Variants in SFMBT2 observed in about 807,000 individuals in gnomAD.
SFMBT2 encodes scm-like with four MBT domains protein 2.
A neutral mutation model predicts 110.1 loss-of-function variants in SFMBT2; 38 were observed. That is an observed-to-expected ratio of 0.35 (90% CI 0.27 to 0.45). The LOEUF is 0.45. Ranked by LOEUF, SFMBT2 falls within the 20% of genes least tolerant of loss-of-function variation. The pLI is 1.00. For synonymous variants in SFMBT2, 425 were observed against 425.4 expected (o/e 1.00, Z 0.01); for missense variants, 1,011 against 1,094.9 (o/e 0.92, Z 1.08).
intron 1 of SFMBT2, among the ~76,000 whole-genome samples, chr10:7,384,519 T>G (rs1196144819): frequency 1.6e-5 from 2 of 126,874 alleles, no homozygotes; most frequent in African/African-American, 7.2e-5. Context: ...AAAATAACGG[T>G]TTTTTAATAA....
intron 8 of SFMBT2, among the ~76,000 whole-genome samples, chr10:7,245,202 C>T (rs1342289168): frequency 1.3e-5 from 2 of 152,044 alleles, no homozygotes; most frequent in African/African-American, 2.4e-5. Flanking sequence ...ATGTAACATA[C>T]TAGATTTATT....
At chr10:7,332,598 CT>C (rs557739111) in intron 4 of SFMBT2, among the ~76,000 whole-genome samples, 349 of 152,260 alleles carry the variant, frequency 2.3e-3, no homozygotes, top group Middle Eastern at 0.017. Flanking sequence ...TATAAAAATG[CT>C]TTTTATTAAA....
intron 4 of SFMBT2, among the ~76,000 whole-genome samples, chr10:7,331,670 A>C (rs1843562629): frequency 6.6e-6 from 1 of 152,062 alleles, no homozygotes; most frequent in Non-Finnish European, 1.5e-5. Flanking sequence ...ACATCCACTC[A>C]AGTCACAGAT....
intron 4 of SFMBT2, among the ~76,000 whole-genome samples, chr10:7,302,048 A>G (rs1842570680): frequency 6.6e-6 from 1 of 152,118 alleles, no homozygotes; most frequent in Non-Finnish European, 1.5e-5. Context: ...ATAACAACAG[A>G]AAACTACCAG....
intron 4 of SFMBT2, among the ~76,000 whole-genome samples, chr10:7,361,647 G>T (rs1844722160): frequency 6.6e-6 from 1 of 152,176 alleles, no homozygotes; most frequent in African/African-American, 2.4e-5. Flanking sequence ...GGTAAATTGA[G>T]TAATTCTGCC....
rs1411217126 is a variant in SFMBT2 at position 7,170,481 on chromosome 10, A to T, written c.2544+447T>A. On this transcript the variant is annotated intron_variant, in intron 20 of 20. Coordinates refer to ENST00000397167, the MANE Select transcript of SFMBT2 (RefSeq NM_001387889.1). The surrounding 1 kb of genome is among the most constrained non-coding windows in gnomAD (Gnocchi z 4.6). Reference sequence around the variant, plus strand: ...CTGACTTCCGGCCTGGCCAGGTGGCAACTGGGCACCCCATCCCACCACTGA... The same window carrying T: ...CTGACTTCCGGCCTGGCCAGGTGGCTACTGGGCACCCCATCCCACCACTGA... 6.6e-6 allele frequency among the ~76,000 whole-genome samples: 1 copy of T among 152,130 alleles called. No homozygotes were observed. The highest frequency in any genetic ancestry group is 1.9e-4 in the East Asian group (1 of 5,184).
intron 11 of SFMBT2, among the ~76,000 whole-genome samples, chr10:7,211,873 C>G (rs994971146): frequency 6.6e-6 from 1 of 152,170 alleles, no homozygotes; most frequent in Admixed American, 6.5e-5. Flanking sequence ...TGCACCTGGT[C>G]CCCTAAACAT....
rs74318218 is a variant in SFMBT2 at position 7,195,222 on chromosome 10, G to C, written c.1698+2326C>G. ...TTCCGATGGTGGCAGAAATTCTTAT[G>C]TGTAATCCTGGCTTGATTTCTGTTT... On this transcript the variant is annotated intron_variant, in intron 15 of 20. Coordinates refer to ENST00000397167, the MANE Select transcript of SFMBT2 (RefSeq NM_001387889.1). 2.8e-3 allele frequency among the ~76,000 whole-genome samples: 424 copies of C among 152,316 alleles called. 2 individuals are homozygous for C. Among genetic ancestry groups the C allele is most frequent in the African/African-American group, 9.7e-3 (403 of 41,574 alleles).
chr10:7,279,443 A>G (rs1301227416), intron 6 of SFMBT2, among the ~76,000 whole-genome samples: 1 of 152,228 alleles, frequency 6.6e-6, no homozygotes, highest in East Asian at 1.9e-4. Context: ...CTTTCATGAA[A>G]AGGTGAAAAT....
intron 1 of SFMBT2, among the ~76,000 whole-genome samples, chr10:7,407,194 G>A (rs983436213): frequency 2.0e-5 from 3 of 152,074 alleles, no homozygotes; most frequent in African/African-American, 7.2e-5. Context: ...TTCCTGCTGA[G>A]CAACAACGCC....
intron 9 of SFMBT2, among the ~76,000 whole-genome samples, chr10:7,235,164 T>C (rs1313008714): frequency 6.6e-6 from 1 of 152,184 alleles, no homozygotes; most frequent in Non-Finnish European, 1.5e-5. Context: ...GACACCCTCA[T>C]GGACCAGACA....
intron 1 of SFMBT2, among the ~76,000 whole-genome samples, chr10:7,403,545 G>A (rs1469566627): frequency 6.6e-6 from 1 of 152,148 alleles, no homozygotes; most frequent in Non-Finnish European, 1.5e-5. Context: ...GGGAGGCTGA[G>A]GGGGGAGAAT....
chr10:7,202,571 C>T (rs1469540969), intron 12 of SFMBT2, 49 bp from the exon 13 acceptor site: 2 of 1,613,912 alleles, frequency 1.2e-6, no homozygotes, highest in Non-Finnish European at 1.7e-6. Context: ...GTTAGTGGGG[C>T]AAGTCCATTT....
intron 4 of SFMBT2, among the ~76,000 whole-genome samples, chr10:7,321,359 G>A (rs910660866): frequency 7.2e-5 from 11 of 152,040 alleles, no homozygotes; most frequent in South Asian, 2.1e-4. Flanking sequence ...CCGCCAACAC[G>A]CCCGGCTAAT....
At chr10:7,184,388 CTCT>C (rs1273580790) in intron 16 of SFMBT2, among the ~76,000 whole-genome samples, 4 of 152,090 alleles carry the variant, frequency 2.6e-5, no homozygotes, top group Admixed American at 6.6e-5. Context: ...GATTCTCATT[CTCT>C]TCTCTTGTCT....
chr10:7,339,058 G>A (rs1293215575), intron 4 of SFMBT2, among the ~76,000 whole-genome samples: 2 of 152,074 alleles, frequency 1.3e-5, no homozygotes, highest in South Asian at 2.1e-4. Flanking sequence ...TGGCCAACAC[G>A]GCAAAACCCC....
chr10:7,236,433 T>C (rs1217847737), intron 9 of SFMBT2, among the ~76,000 whole-genome samples: 2 of 152,122 alleles, frequency 1.3e-5, no homozygotes, highest in Non-Finnish European at 1.5e-5. Context: ...TTCAGGGCTA[T>C]ACAAACAGAC....
At chr10:7,287,747 G>A (rs1005250201) in intron 4 of SFMBT2, among the ~76,000 whole-genome samples, 5 of 152,166 alleles carry the variant, frequency 3.3e-5, no homozygotes, top group African/African-American at 9.7e-5. Flanking sequence ...CAACCCTTCC[G>A]GCTCAAACCT....
chr10:7,263,184 G>A (rs561890081), intron 7 of SFMBT2, among the ~76,000 whole-genome samples: 2 of 152,006 alleles, frequency 1.3e-5, no homozygotes, highest in African/African-American at 4.8e-5. Context: ...AGAGGGACAT[G>A]CACCAGTCTG....
Sources: gnomAD v4.1 joint callset for allele counts (sites outside exome capture counted in the v4.1 genomes callset) on GRCh38, gnomAD v4.1.1 for gene constraint, Gnocchi (gnomAD v3.1) non-coding constraint, MANE v1.5 for transcripts, NCBI Gene and HGNC (gene_info 2026-07-23, HGNC 2026-07-21) for gene names.